The following MYO9A variants were observed in gnomAD, a reference collection of about 807,000 sequenced individuals.
MYO9A encodes myosin IXA, also known as unconventional myosin-IXa.
A neutral mutation model predicts 293.3 loss-of-function variants in MYO9A; 103 were observed. The observed-to-expected ratio is 0.35, with a 90% CI of 0.30 to 0.41. The LOEUF is 0.41. MYO9A is among the 10% of genes least tolerant of loss of function. The pLI, the probability that MYO9A is intolerant of heterozygous loss-of-function variation, is 1.00. For missense variants in MYO9A, 2,685 were observed against 3,033.0 expected, an observed-to-expected ratio of 0.89 and a Z score of 2.69; for synonymous variants, 1,001 against 1,035.7, an observed-to-expected ratio of 0.97 and a Z score of 0.64.
At chr15:71,975,304 G>A (rs939697442) in intron 12 of MYO9A, among the ~76,000 whole-genome samples, 1 of 9,266 alleles carries the variant, frequency 1.1e-4, no homozygotes, top group South Asian at 2.8e-3. Context: ...TGATTTTATC[G>A]TGTGTGTGTG....
rs1024774747 is a variant in MYO9A, at chr15:72,033,002, C to T, written c.841-414G>A. Among the ~76,000 whole-genome samples, 5 of 152,198 alleles carry T rather than the reference C, an allele frequency of 3.3e-5. No individual in the cohort carries two copies. The East Asian group carries it at 5.8e-4, about 18-fold the overall frequency. On this transcript the variant is annotated intron_variant, in intron 2 of 41. Coordinates refer to ENST00000356056, the MANE Select transcript of MYO9A (RefSeq NM_006901.4). Reference sequence around the variant, plus strand: ...AGTAGCTGGGACTACAGGCCCACGCCGCCAAGCCTGGCTATTTTTTTGTAT... The same window carrying T: ...AGTAGCTGGGACTACAGGCCCACGCTGCCAAGCCTGGCTATTTTTTTGTAT...
At chr15:72,019,496 T>C (rs1361773358) in intron 5 of MYO9A, among the ~76,000 whole-genome samples, 1 of 152,194 alleles carries the variant, frequency 6.6e-6, no homozygotes. Flanking sequence ...ATCACCCAAA[T>C]ATAATGCAAA....
At chr15:72,110,828 G>A (rs1224150137) in intron 1 of MYO9A, among the ~76,000 whole-genome samples, 3 of 152,112 alleles carry the variant, frequency 2.0e-5, no homozygotes, top group Admixed American at 1.3e-4. Flanking sequence ...ACTTTGATTA[G>A]CCATTTATTC....
intron 39 of MYO9A, among the ~76,000 whole-genome samples, chr15:71,843,943 C>G (rs1244031911): frequency 6.6e-6 from 1 of 152,224 alleles, no homozygotes; most frequent in African/African-American, 2.4e-5. Context: ...TCCTGGCTCA[C>G]TCTTCAAGAC....
intron 1 of MYO9A, among the ~76,000 whole-genome samples, chr15:72,104,465 T>G (rs1386137601): frequency 1.3e-5 from 2 of 152,198 alleles, no homozygotes; most frequent in Non-Finnish European, 2.9e-5. Context: ...GTAATATAAG[T>G]CTGGTACCTA....
chr15:71,987,743 G>C (rs2076441608), intron 11 of MYO9A, among the ~76,000 whole-genome samples: 1 of 152,104 alleles, frequency 6.6e-6, no homozygotes, highest in African/African-American at 2.4e-5. Context: ...ATGTACCTGT[G>C]ATACTGTACC....
chr15:72,083,969 G>A lies in MYO9A; in HGVS notation c.-72+33711C>T, dbSNP rs562425896. Among the ~76,000 whole-genome samples, 4 of 152,320 alleles carry A rather than the reference G, an allele frequency of 2.6e-5. No homozygotes were observed. The South Asian group carries it at 8.3e-4, about 32-fold the overall frequency. ...TGGTGATGAGAAGAATGTATATTCT[G>A]TTGTTTTGGGGTAGAGAGTTCTGTA... On this transcript the variant is annotated intron_variant, in intron 1 of 41. Transcript: ENST00000356056.
At chr15:71,828,489 T>C (rs765213390) in intron 40 of MYO9A, among the ~76,000 whole-genome samples, 21 of 152,188 alleles carry the variant, frequency 1.4e-4, no homozygotes, top group Non-Finnish European at 2.6e-4. Flanking sequence ...ACTAACTGGC[T>C]ATAGACGATA....
At chr15:72,105,758 C>T (rs1455968598) in intron 1 of MYO9A, among the ~76,000 whole-genome samples, 1 of 152,126 alleles carries the variant, frequency 6.6e-6, no homozygotes. Context: ...CCACCGGCCT[C>T]GGCCTCCCAA....
chr15:71,825,676 G>A lies in MYO9A; in HGVS notation c.*904C>T, dbSNP rs139227177. ...ATGAACAGGCTCATATGCGGTTTTC[G>A]GTTTAATCTATACAAAGAGAAAAGC... On this transcript the variant is annotated 3_prime_UTR_variant, in exon 42 of 42. Coordinates refer to ENST00000356056, the MANE Select transcript of MYO9A (RefSeq NM_006901.4). 8 of 152,144 alleles carry A rather than the reference G, an allele frequency of 5.3e-5. No individual in the cohort carries two copies. The highest frequency in any genetic ancestry group is 8.8e-5 in the Non-Finnish European group (6 of 67,998). The allele number at this position is 152,144 out of a possible 1,614,324, so 9.4% of individuals were successfully genotyped here. A position where few individuals can be genotyped will look rare whatever the true frequency, so the allele number is the denominator to read the frequency against.
chr15:71,893,252 A>G (rs893405140), intron 26 of MYO9A: 2 of 1,115,878 alleles, frequency 1.8e-6, no homozygotes, highest in African/African-American at 3.3e-5. Flanking sequence ...GATGCCAATG[A>G]AAGACATCAG....
rs778851865 is a variant in MYO9A at position 71,826,571 on chromosome 15, T to G, written c.*9A>C. On this transcript the variant is annotated 3_prime_UTR_variant, in exon 42 of 42. Transcript: ENST00000356056. ...CTCTGTAGCCACGGAGGGACACACA[T>G]CTGCCGGTTCAGACCATAAATTCAT... 6 of 1,568,044 alleles carry G rather than the reference T, an allele frequency of 3.8e-6. No individual in the cohort carries two copies. In the African/African-American group the frequency reaches 8.2e-5, roughly 22 times the overall value.
chr15:72,116,324 T>C (rs973871645), intron 1 of MYO9A, among the ~76,000 whole-genome samples: 1 of 152,252 alleles, frequency 6.6e-6, no homozygotes, highest in Non-Finnish European at 1.5e-5. Flanking sequence ...AAGACCTCTT[T>C]ATATTTCATC....
chr15:71,880,996 C>A (rs1240558571), intron 28 of MYO9A, among the ~76,000 whole-genome samples: 1 of 152,044 alleles, frequency 6.6e-6, no homozygotes, highest in East Asian at 1.9e-4. Context: ...GTCCAACAAA[C>A]CAGTGGAGTT....
rs201357736 is a variant in MYO9A at position 71,830,348 on chromosome 15, T to C, written c.6838-37A>G. The C allele has an allele frequency of 4.0e-5, 64 of 1,581,496 alleles. No homozygotes were observed. The East Asian group carries it at 1.4e-3, about 35-fold the overall frequency. ...AATTCATGTTAGAAAGTAAATTGAG[T>C]GACTGCATCAGTTTTACATTGCTCT... On this transcript the variant is annotated intron_variant, in intron 39 of 41. Coordinates refer to ENST00000356056, the MANE Select transcript of MYO9A (RefSeq NM_006901.4).
intron 1 of MYO9A, among the ~76,000 whole-genome samples, chr15:72,067,014 A>G (rs546312086): frequency 6.7e-6 from 1 of 149,266 alleles, no homozygotes; most frequent in Non-Finnish European, 1.5e-5. Flanking sequence ...TCATTACATT[A>G]TATATTACAA....
At chr15:71,857,770 C>T (rs910770666) in intron 34 of MYO9A, among the ~76,000 whole-genome samples, 33 of 151,370 alleles carry the variant, frequency 2.2e-4, no homozygotes, top group African/African-American at 6.8e-4. Flanking sequence ...TCTAATTAAA[C>T]TAAAGAGCTT....
At chr15:72,024,964 T>C (rs1347813296) in intron 4 of MYO9A, among the ~76,000 whole-genome samples, 2 of 152,098 alleles carry the variant, frequency 1.3e-5, no homozygotes, top group Admixed American at 6.5e-5. Flanking sequence ...CAAAATGGTA[T>C]TAATAATCCT....
chr15:71,994,609 T>C lies in MYO9A; in HGVS notation c.1471-24A>G, dbSNP rs777145122. On this transcript the variant is annotated intron_variant, in intron 9 of 41. Coordinates refer to ENST00000356056, the MANE Select transcript of MYO9A (RefSeq NM_006901.4). ...GCCTGAAAAACAAAAGCATTACAAG[T>C]GCATGTAGAATTGACAATGATTAAG... 4.6e-5 allele frequency: 65 copies of C among 1,415,720 alleles called. No individual in the cohort carries two copies. The East Asian group carries it at 1.4e-3, about 31-fold the overall frequency. 87.7% of individuals were successfully genotyped at this position (1,415,720 alleles called of 1,614,324 possible).
Sources: gnomAD v4.1 joint callset for allele counts (sites outside exome capture counted in the v4.1 genomes callset) on GRCh38, gnomAD v4.1.1 for gene constraint, MANE v1.5 for transcripts, NCBI Gene and HGNC (gene_info 2026-07-23, HGNC 2026-07-21) for gene names.